Variants in DIS3L2 observed in about 807,000 individuals in gnomAD.
DIS3L2 encodes DIS3-like exonuclease 2.
In DIS3L2, 34 loss-of-function variants were observed where a neutral mutation model predicts 97.5. The ratio of observed to expected loss-of-function variants is 0.35; its 90% CI spans 0.27 to 0.46. DIS3L2 has a LOEUF of 0.46. Ranked by LOEUF, DIS3L2 falls within the 20% of genes least tolerant of loss-of-function variation. DIS3L2 has a pLI of 1.00. For synonymous variants in DIS3L2, 435 were observed against 445.2 expected, an observed-to-expected ratio of 0.98 and a Z score of 0.29; for missense variants, 1,038 against 1,146.0, an observed-to-expected ratio of 0.91 and a Z score of 1.36.
At chr2:232,031,663 C>G (rs941778212) in intron 5 of DIS3L2, among the ~76,000 whole-genome samples, 1 of 151,818 alleles carries the variant, frequency 6.6e-6, no homozygotes, top group Non-Finnish European at 1.5e-5. Context: ...CCGCACCCAC[C>G]GACAAGCCCC....
chr2:232,136,251 C>T lies in DIS3L2; in HGVS notation c.703-221C>T, dbSNP rs532420564. Among the ~76,000 whole-genome samples the T allele has an allele frequency of 1.3e-3, 191 of 152,190 alleles. 1 individual carries two copies. Among genetic ancestry groups the T allele is most frequent in the Non-Finnish European group, 2.3e-3 (157 of 68,008 alleles). On this transcript the variant is annotated intron_variant, in intron 7 of 20. Coordinates refer to ENST00000325385, the MANE Select transcript of DIS3L2 (RefSeq NM_152383.5). The stretch of plus-strand genomic sequence containing the variant: ...TAAAAGCACTTTGATTTAATTCATC[C>T]ATGTATTGCATAATTTTTCTTGGAT...
intron 5 of DIS3L2, among the ~76,000 whole-genome samples, chr2:232,049,738 G>A (rs1371336637): frequency 2.0e-5 from 3 of 152,148 alleles, no homozygotes; most frequent in Non-Finnish European, 4.4e-5. Flanking sequence ...TTCATCCTGT[G>A]ACCTTGTTGA....
intron 12 of DIS3L2, among the ~76,000 whole-genome samples, chr2:232,252,491 AGTT>A (rs1280588996): frequency 6.6e-6 from 1 of 152,216 alleles, no homozygotes; most frequent in African/African-American, 2.4e-5. Context: ...TGTTAGAATC[AGTT>A]GTTTTGGTTG....
At chr2:232,254,196 C>G (rs920763701) in intron 12 of DIS3L2, among the ~76,000 whole-genome samples, 39 of 152,028 alleles carry the variant, frequency 2.6e-4, no homozygotes, top group Admixed American at 1.9e-3. Context: ...GAATTGGGAT[C>G]AAAACAAGTT....
intron 10 of DIS3L2, 110 bp from the exon 11 acceptor site, chr2:232,238,423 C>A: frequency 1.2e-6 from 1 of 811,508 alleles, no homozygotes; most frequent in Non-Finnish European, 2.0e-6. Context: ...TGTCACCTAA[C>A]TGCAGGTCCT....
At chr2:232,138,214 C>T (rs1288260281) in intron 8 of DIS3L2, among the ~76,000 whole-genome samples, 1 of 151,948 alleles carries the variant, frequency 6.6e-6, no homozygotes, top group East Asian at 1.9e-4. Context: ...ATAGCTGAGC[C>T]ATTACTTCAT....
Position 232,005,170 on chromosome 2 carries a change from A to ATTTTTTT in DIS3L2, c.-93-9650_-93-9644dup, listed in dbSNP as rs55757645. ...TGTTAAATTCCTTTGAAGAATCTTG[A>ATTTTTTT]TTTTTTTTTTTTTTTTTTTTTATTT... On this transcript the variant is annotated intron_variant, in intron 1 of 20. Coordinates refer to ENST00000325385, the MANE Select transcript of DIS3L2 (RefSeq NM_152383.5). Among the ~76,000 whole-genome samples, 126 of 126,508 alleles carry ATTTTTTT rather than the reference A, an allele frequency of 1.0e-3. 1 individual carries two copies. The highest frequency in any genetic ancestry group is 1.4e-3 in the Non-Finnish European group (88 of 62,574). The allele number at this position is 126,508 out of a possible 152,430, so 83.0% of individuals were successfully genotyped here.
chr2:232,239,632 G>A (rs1693026203), intron 11 of DIS3L2, among the ~76,000 whole-genome samples: 1 of 152,110 alleles, frequency 6.6e-6, no homozygotes, highest in Non-Finnish European at 1.5e-5. Flanking sequence ...ACATGATTCT[G>A]GTATTTGCTC....
At chr2:232,149,199 T>G (rs1280596785) in intron 8 of DIS3L2, among the ~76,000 whole-genome samples, 2 of 151,508 alleles carry the variant, frequency 1.3e-5, no homozygotes, top group Non-Finnish European at 2.9e-5. Flanking sequence ...AAAAGTTTTT[T>G]TTTTTTTTTT....
At chr2:232,117,009 C>T (rs1451887965) in intron 6 of DIS3L2, among the ~76,000 whole-genome samples, 1 of 152,186 alleles carries the variant, frequency 6.6e-6, no homozygotes, top group Non-Finnish European at 1.5e-5. Context: ...CCTCAGCTAG[C>T]TAACCCTCAT....
chr2:232,302,140 A>G (rs1244475085), intron 14 of DIS3L2, among the ~76,000 whole-genome samples: 4 of 148,836 alleles, frequency 2.7e-5, no homozygotes, highest in Admixed American at 1.4e-4. Flanking sequence ...TGATCTAGAA[A>G]AGTATGGTGA....
chr2:231,999,201 A>G (rs1693809653), intron 1 of DIS3L2, among the ~76,000 whole-genome samples: 4 of 152,292 alleles, frequency 2.6e-5, no homozygotes, highest in African/African-American at 7.2e-5. Context: ...TGGATGCACT[A>G]TGCATAGTTT....
chr2:232,021,315 G>A (rs1694503601), intron 3 of DIS3L2, among the ~76,000 whole-genome samples: 1 of 152,152 alleles, frequency 6.6e-6, no homozygotes, highest in Non-Finnish European at 1.5e-5. Flanking sequence ...AGTAAACAGT[G>A]GGAGGACAAT....
chr2:232,277,487 CTTTT>C (rs1216033804), intron 13 of DIS3L2, among the ~76,000 whole-genome samples: 1 of 152,006 alleles, frequency 6.6e-6, no homozygotes, highest in South Asian at 2.1e-4. Flanking sequence ...AGGAAATTAA[CTTTT>C]TTTTCTGTGC....
intron 1 of DIS3L2, among the ~76,000 whole-genome samples, chr2:231,989,559 G>A (rs544452359): frequency 1.8e-4 from 28 of 152,238 alleles, no homozygotes; most frequent in Admixed American, 5.2e-4. Context: ...ACAGGGGACT[G>A]GGCACAGTGG....
chr2:232,094,498 A>G (rs1696941590), intron 6 of DIS3L2, among the ~76,000 whole-genome samples: 1 of 152,070 alleles, frequency 6.6e-6, no homozygotes, highest in Admixed American at 6.6e-5. Flanking sequence ...AAGGTGGATC[A>G]CTTGAGGACA....
chr2:232,145,049 T>C (rs146923284), intron 8 of DIS3L2, among the ~76,000 whole-genome samples: 2 of 152,318 alleles, frequency 1.3e-5, no homozygotes, highest in African/African-American at 4.8e-5. Flanking sequence ...TATACTGTAT[T>C]TTTGGAAAGA....
intron 12 of DIS3L2, among the ~76,000 whole-genome samples, chr2:232,252,809 G>T (rs1462160648): frequency 6.6e-6 from 1 of 152,122 alleles, no homozygotes; most frequent in Non-Finnish European, 1.5e-5. Context: ...GTTCAGGTGG[G>T]AGGATCACCT....
At chr2:232,056,121 A>T (rs1378653235) in intron 5 of DIS3L2, among the ~76,000 whole-genome samples, 2 of 152,174 alleles carry the variant, frequency 1.3e-5, no homozygotes, top group African/African-American at 2.4e-5. Context: ...CTGTAATCCC[A>T]GCACTTTGGG....
Sources: gnomAD v4.1 joint callset for allele counts (sites outside exome capture counted in the v4.1 genomes callset) on GRCh38, gnomAD v4.1.1 for gene constraint, MANE v1.5 for transcripts, NCBI Gene and HGNC (gene_info 2026-07-23, HGNC 2026-07-21) for gene names.